The following LRP1B variants were observed in gnomAD, a reference collection of about 807,000 sequenced individuals.
LRP1B encodes LDL receptor related protein 1B, also known as low-density lipoprotein receptor-related protein 1B.
In LRP1B, 217 loss-of-function variants were observed where a neutral mutation model predicts 556.6. The observed-to-expected ratio is 0.39, with a 90% CI of 0.35 to 0.44. The LOEUF (loss-of-function observed/expected upper bound fraction) is 0.44, where lower values mean the gene tolerates loss of function less well. Ranked by LOEUF, LRP1B falls within the 20% of genes least tolerant of loss-of-function variation. The pLI, the probability that LRP1B is intolerant of heterozygous loss-of-function variation, is 1.00. For missense variants in LRP1B, 5,053 were observed against 5,620.8 expected (o/e 0.90, Z 3.23); for synonymous variants, 2,047 against 1,865.8 (o/e 1.10, Z -2.50).
chr2:140,672,035 A>C (rs918248180), intron 41 of LRP1B, among the ~76,000 whole-genome samples: 6 of 152,234 alleles, frequency 3.9e-5, no homozygotes, highest in Non-Finnish European at 7.3e-5. Flanking sequence ...GCTATGTTTA[A>C]AATTCTGGGC....
intron 35 of LRP1B, among the ~76,000 whole-genome samples, chr2:140,752,226 A>C (rs1171731491): frequency 6.6e-6 from 1 of 152,142 alleles, no homozygotes; most frequent in African/African-American, 2.4e-5. Context: ...AGGCAGAAGA[A>C]TTACTTGAAA....
At chr2:141,287,364 C>T (rs961294603) in intron 3 of LRP1B, among the ~76,000 whole-genome samples, 1 of 150,930 alleles carries the variant, frequency 6.6e-6, no homozygotes, top group Non-Finnish European at 1.5e-5. Flanking sequence ...ACTCTGTCGC[C>T]CAGGCTGGAG....
At chr2:140,317,732 A>G (rs1185966407) in intron 82 of LRP1B, among the ~76,000 whole-genome samples, 1 of 152,116 alleles carries the variant, frequency 6.6e-6, no homozygotes, top group Non-Finnish European at 1.5e-5. Flanking sequence ...ATGATCATAG[A>G]TAGGATTATT....
chr2:141,812,037 G>A (rs866785342), intron 1 of LRP1B, among the ~76,000 whole-genome samples: 5 of 152,056 alleles, frequency 3.3e-5, no homozygotes, highest in African/African-American at 1.2e-4. Context: ...TTATTGCAGT[G>A]CATTTGAGAA....
chr2:140,965,340 C>G (rs1696172588), intron 18 of LRP1B, among the ~76,000 whole-genome samples: 1 of 146,948 alleles, frequency 6.8e-6, no homozygotes, highest in African/African-American at 2.5e-5. Flanking sequence ...GTTATTTTAA[C>G]TTTCAAGGTT....
chr2:141,087,030 G>T (rs1286871524), intron 7 of LRP1B, among the ~76,000 whole-genome samples: 8 of 152,156 alleles, frequency 5.3e-5, no homozygotes, highest in Admixed American at 5.2e-4. Context: ...AGCACTGATG[G>T]TAAATATAGG....
rs1686736087 is a variant in LRP1B at position 141,309,666 on chromosome 2, G to A, written c.344-55025C>T. Among the ~76,000 whole-genome samples, 3 of 152,082 alleles carry A rather than the reference G, an allele frequency of 2.0e-5. No homozygotes were observed. In the South Asian group the frequency reaches 6.2e-4, roughly 32 times the overall value. Reference sequence around the variant, plus strand: ...CTCATAAGTAGGAGTTGAACATTGAGAACACATGGACACAGAGAGGGGAGC... The same window carrying A: ...CTCATAAGTAGGAGTTGAACATTGAAAACACATGGACACAGAGAGGGGAGC... On this transcript the variant is annotated intron_variant, in intron 3 of 90. Transcript: ENST00000389484.
intron 2 of LRP1B, among the ~76,000 whole-genome samples, chr2:141,529,152 A>G (rs544471637): frequency 2.0e-5 from 3 of 152,320 alleles, no homozygotes; most frequent in Middle Eastern, 3.4e-3. Flanking sequence ...CAAGTGTCTT[A>G]CCTAAGTACT....
At chr2:140,450,990 G>A (rs536724025) in intron 62 of LRP1B, among the ~76,000 whole-genome samples, 1 of 152,332 alleles carries the variant, frequency 6.6e-6, no homozygotes, top group African/African-American at 2.4e-5. Context: ...CGCCCAGGCT[G>A]GAAGGCAGTG....
At chr2:141,431,809 T>G (rs987206661) in intron 3 of LRP1B, among the ~76,000 whole-genome samples, 2 of 152,188 alleles carry the variant, frequency 1.3e-5, no homozygotes, top group African/African-American at 4.8e-5. Context: ...TTTTGTATGC[T>G]AATCTTGGGT....
chr2:140,934,443 G>T (rs1695144071), intron 20 of LRP1B, among the ~76,000 whole-genome samples: 1 of 152,084 alleles, frequency 6.6e-6, no homozygotes, highest in African/African-American at 2.4e-5. Flanking sequence ...TGCACTAGCA[G>T]GATCTTTCTA....
intron 3 of LRP1B, among the ~76,000 whole-genome samples, chr2:141,394,815 T>C (rs749131109): frequency 6.6e-6 from 1 of 152,136 alleles, no homozygotes; most frequent in African/African-American, 2.4e-5. Context: ...TTTAGAATAA[T>C]AGCATTTACA....
chr2:140,469,813 A>G (rs1228855627), intron 60 of LRP1B, among the ~76,000 whole-genome samples: 1 of 152,198 alleles, frequency 6.6e-6, no homozygotes. Context: ...CAGTCCCTGG[A>G]ATTAGGTAGA....
intron 7 of LRP1B, among the ~76,000 whole-genome samples, chr2:141,174,615 G>A (rs59857592): frequency 0.11 from 16,640 of 152,082 alleles, 2,293 homozygotes; most frequent in African/African-American, 0.33. Flanking sequence ...CTGTTAAGTC[G>A]GAGGAACTAT....
intron 15 of LRP1B, among the ~76,000 whole-genome samples, chr2:141,000,127 C>T (rs1697374061): frequency 1.3e-5 from 2 of 151,912 alleles, no homozygotes; most frequent in Admixed American, 6.6e-5. Context: ...CTATGTTCCC[C>T]AAGCTGGTCT....
At chr2:142,058,571 T>G (rs1704768024) in intron 1 of LRP1B, among the ~76,000 whole-genome samples, 1 of 152,118 alleles carries the variant, frequency 6.6e-6, no homozygotes. Flanking sequence ...TTAGCTTATC[T>G]GCTATCGTTA....
At chr2:141,050,346 T>C (rs1265566423) in intron 10 of LRP1B, among the ~76,000 whole-genome samples, 5 of 152,058 alleles carry the variant, frequency 3.3e-5, no homozygotes, top group Non-Finnish European at 2.9e-5. Flanking sequence ...TTAAAAATTT[T>C]ACTTTAAGTT....
chr2:140,719,210 G>A (rs1687316313), intron 35 of LRP1B, among the ~76,000 whole-genome samples: 1 of 152,018 alleles, frequency 6.6e-6, no homozygotes, highest in South Asian at 2.1e-4. Flanking sequence ...GTGATATGCT[G>A]AATAAAGACT....
chr2:141,522,514 C>A (rs971893305), intron 2 of LRP1B, among the ~76,000 whole-genome samples: 1 of 152,046 alleles, frequency 6.6e-6, no homozygotes, highest in East Asian at 1.9e-4. Flanking sequence ...AAGATCAGAT[C>A]GTATCTATAT....
Sources: allele counts gnomAD v4.1 joint callset (sites outside exome capture counted in the v4.1 genomes callset), GRCh38; gene constraint gnomAD v4.1.1; transcripts MANE v1.5; gene names NCBI Gene and HGNC (gene_info 2026-07-23, HGNC 2026-07-21).